XXYLT1: variants seen among roughly 807,000 people sequenced by gnomAD.
XXYLT1 encodes UDP-xylose:alpha-xyloside alpha-1,3-xylosyltransferase.
A neutral mutation model predicts 28.9 loss-of-function variants in XXYLT1; 20 were observed. That is an observed-to-expected ratio of 0.69 (90% CI 0.49 to 1.00). The LOEUF is 1.00. Among genes scored for constraint, XXYLT1 ranks in the 50% least tolerant of loss-of-function variants. The probability of loss-of-function intolerance (pLI) is 0.00; values close to 1 mark genes in which losing one functional copy is unlikely to be tolerated. For missense variants in XXYLT1, 542 were observed against 560.1 expected (o/e 0.97, Z 0.33); for synonymous variants, 257 against 253.8 (o/e 1.01, Z -0.12).
chr3:195,143,805 G>T (rs796963443), intron 3 of XXYLT1, among the ~76,000 whole-genome samples: 1,570 of 51,054 alleles, frequency 0.031, 51 homozygotes, highest in East Asian at 0.065. Flanking sequence ...TATATAGATA[G>T]ATATATATAG....
At chr3:195,182,623 C>T (rs568733022) in intron 2 of XXYLT1, among the ~76,000 whole-genome samples, 2 of 152,190 alleles carry the variant, frequency 1.3e-5, no homozygotes, top group African/African-American at 4.8e-5. Context: ...CCTCCTCCCC[C>T]ACTCCCCTGA....
intron 2 of XXYLT1, among the ~76,000 whole-genome samples, chr3:195,186,669 C>T (rs541710274): frequency 6.6e-6 from 1 of 152,092 alleles, no homozygotes; most frequent in Non-Finnish European, 1.5e-5. Context: ...ACTTCCCCTT[C>T]GTTGCCCTTA....
At chr3:195,214,298 T>C (rs1723461121) in intron 2 of XXYLT1, among the ~76,000 whole-genome samples, 1 of 152,036 alleles carries the variant, frequency 6.6e-6, no homozygotes, top group African/African-American at 2.4e-5. Context: ...GGAATCACAT[T>C]CTATTCCACC....
In XXYLT1 at chr3:195,256,612, T is replaced by G. The variant is rs1332281398; in HGVS notation, c.504+13943A>C. ...GATGGGGTCTGGAAAGGGCATGAGC[T>G]CTGTAAGCCCCCAGCACTGTTTATA... On this transcript the variant is annotated intron_variant, in intron 1 of 3. Transcript: ENST00000310380. This position sits in a 1 kb window ranked among gnomAD's most constrained non-coding sequence, Gnocchi z 4.2. The G allele has an allele frequency of 1.0e-6, 1 of 979,262 alleles. No individual in the cohort carries two copies. The highest frequency in any genetic ancestry group is 1.8e-5 in the African/African-American group (1 of 57,088). The allele number at this position is 979,262 out of a possible 1,614,324, so 60.7% of individuals were successfully genotyped here.
chr3:195,202,632 G>T (rs1271993157), intron 2 of XXYLT1, among the ~76,000 whole-genome samples: 1 of 152,300 alleles, frequency 6.6e-6, no homozygotes, highest in Non-Finnish European at 1.5e-5. Flanking sequence ...AGCAGCCCCA[G>T]AAGGTGAAAA....
At chr3:195,268,100 A>C (rs2108861674) in intron 1 of XXYLT1, among the ~76,000 whole-genome samples, 1 of 152,120 alleles carries the variant, frequency 6.6e-6, no homozygotes, top group East Asian at 1.9e-4. Context: ...CAGCCTGGGC[A>C]ACATAGCAAG....
intron 1 of XXYLT1, among the ~76,000 whole-genome samples, chr3:195,260,650 C>A (rs1232318985): frequency 1.3e-5 from 2 of 152,222 alleles, no homozygotes; most frequent in African/African-American, 4.8e-5. Context: ...TACCTCTCAA[C>A]CGACCCCTCC....
In XXYLT1 at chr3:195,069,619, C is replaced by CT. The variant is rs553547525; in HGVS notation, c.*95dup. ...TAATCACAGGACTTCCCTGCGGTGT[C>CT]TCTCTAGCGGGTCAGACACTGCCCT... On this transcript the variant is annotated 3_prime_UTR_variant, in exon 4 of 4. Coordinates refer to ENST00000310380, the MANE Select transcript of XXYLT1 (RefSeq NM_152531.5). 2.2e-5 allele frequency: 33 copies of CT among 1,486,208 alleles called. No homozygotes were observed. The South Asian group carries it at 3.6e-4, about 16-fold the overall frequency. The allele number at this position is 1,486,208 out of a possible 1,614,324, so 92.1% of individuals were successfully genotyped here.
chr3:195,072,987 G>A (rs541810751), intron 3 of XXYLT1, among the ~76,000 whole-genome samples: 7 of 152,274 alleles, frequency 4.6e-5, no homozygotes, highest in East Asian at 3.9e-4. Context: ...TCCCCCCAAC[G>A]CAACAGCACA....
chr3:195,262,757 A>AT (rs540665761), intron 1 of XXYLT1, among the ~76,000 whole-genome samples: 1 of 152,338 alleles, frequency 6.6e-6, no homozygotes, highest in African/African-American at 2.4e-5. Flanking sequence ...ATACAAAGTT[A>AT]TTCCCCTTAG....
chr3:195,236,166 G>A (rs1724538576), intron 1 of XXYLT1, among the ~76,000 whole-genome samples: 1 of 152,176 alleles, frequency 6.6e-6, no homozygotes, highest in Non-Finnish European at 1.5e-5. Context: ...CCAGGCTTGT[G>A]TCCTTCCCTT....
chr3:195,069,670 C>T lies in XXYLT1; in HGVS notation c.*45G>A, dbSNP rs1470796964. On this transcript the variant is annotated 3_prime_UTR_variant, in exon 4 of 4. Transcript: ENST00000310380. ...TGGGTCTGTCCCAAGGAACCCTGTC[C>T]TTCCCCCAGATCTGGAGGCCCCGGG... 3 of 1,569,270 alleles carry T rather than the reference C, an allele frequency of 1.9e-6. No homozygotes were observed. The highest frequency in any genetic ancestry group is 2.6e-6 in the Non-Finnish European group (3 of 1,161,858).
rs1723202325 is a variant in XXYLT1, at chr3:195,209,189, A to G, written c.652+17520T>C. 1 of 152,296 alleles carries G rather than the reference A, an allele frequency of 6.6e-6. No homozygotes were observed. The highest frequency in any genetic ancestry group is 1.5e-5 in the Non-Finnish European group (1 of 68,096). The allele number at this position is 152,296 out of a possible 1,614,324, so 9.4% of individuals were successfully genotyped here. The stretch of plus-strand genomic sequence containing the variant: ...TCACCCTGTTAAGAAGCCAGTCCTC[A>G]CTAGGGCAAGAAGCCTGTATGGAGG... On this transcript the variant is annotated intron_variant, in intron 2 of 3. Transcript: ENST00000310380. This position sits in a 1 kb window ranked among gnomAD's most constrained non-coding sequence, Gnocchi z 5.0.
rs377169409 is a variant in XXYLT1, at chr3:195,168,800, C to T, written c.653-12219G>A. Among the ~76,000 whole-genome samples the T allele has an allele frequency of 2.6e-5, 4 of 152,212 alleles. No homozygotes were observed. The highest frequency in any genetic ancestry group is 3.8e-4 in the East Asian group (2 of 5,198). On this transcript the variant is annotated intron_variant, in intron 2 of 3. Transcript: ENST00000310380. The surrounding 1 kb of genome is among the most constrained non-coding windows in gnomAD (Gnocchi z 4.3). The stretch of plus-strand genomic sequence containing the variant: ...TGCAAATGTTGAAAATTCAGGTCCA[C>T]GGTGGCCTGTAATAACCTGCTTAGG...
At chr3:195,097,591 G>GC (rs1289284897) in intron 3 of XXYLT1, among the ~76,000 whole-genome samples, 3 of 152,122 alleles carry the variant, frequency 2.0e-5, no homozygotes, top group Non-Finnish European at 2.9e-5. Flanking sequence ...TTGAGTCAAA[G>GC]CCCCCCAGCT....
chr3:195,179,967 C>T (rs1264504676), intron 2 of XXYLT1, among the ~76,000 whole-genome samples: 1 of 152,214 alleles, frequency 6.6e-6, no homozygotes, highest in East Asian at 1.9e-4. Context: ...CTCCCTCCCA[C>T]TGTCTCCCCC....
chr3:195,253,503 C>CTTTTTTTTTTTTTTTTTTTTT (rs1231480044), intron 1 of XXYLT1, among the ~76,000 whole-genome samples: 1 of 130,240 alleles, frequency 7.7e-6, no homozygotes, highest in African/African-American at 3.0e-5. Flanking sequence ...CTTTTTTTTT[C>CTTTTTTTTTTTTTTTTTTTTT]TTTTTTTTTT....
chr3:195,169,246 G>A (rs1577103208), intron 2 of XXYLT1, among the ~76,000 whole-genome samples: 1 of 152,368 alleles, frequency 6.6e-6, no homozygotes, highest in African/African-American at 2.4e-5. Context: ...TGAGGTTCAG[G>A]CTCCATCCCG....
At chr3:195,110,150 C>CG (rs1717452915) in intron 3 of XXYLT1, among the ~76,000 whole-genome samples, 1 of 22,670 alleles carries the variant, frequency 4.4e-5, no homozygotes, top group Non-Finnish European at 1.2e-4. Flanking sequence ...TGTGTGGTGT[C>CG]TGTGTGTTGT....
Sources: gnomAD v4.1 joint callset for allele counts (sites outside exome capture counted in the v4.1 genomes callset) on GRCh38, gnomAD v4.1.1 for gene constraint, Gnocchi (gnomAD v3.1) non-coding constraint, MANE v1.5 for transcripts, NCBI Gene and HGNC (gene_info 2026-07-23, HGNC 2026-07-21) for gene names.